Variants in SKAP2 observed in about 807,000 individuals in gnomAD.
SKAP2 encodes src kinase associated phosphoprotein 2.
SKAP2 carries 28 observed loss-of-function variants against 54.9 expected under a neutral mutation model. The observed-to-expected ratio is 0.51, with a 90% confidence interval of 0.38 to 0.70. The LOEUF is 0.70. Ranked by LOEUF, SKAP2 falls within the 30% of genes least tolerant of loss-of-function variation. SKAP2 has a pLI of 0.00. For synonymous variants in SKAP2, 137 were observed against 134.3 expected (o/e 1.02, Z -0.14); for missense variants, 356 against 424.1 (o/e 0.84, Z 1.41).
At chr7:26,830,109 T>A (rs554936626) in intron 4 of SKAP2, among the ~76,000 whole-genome samples, 150 of 152,244 alleles carry the variant, frequency 9.9e-4, no homozygotes, top group African/African-American at 3.5e-3. Flanking sequence ...TTGAAAACAT[T>A]ATGCTAAGTA....
intron 4 of SKAP2, among the ~76,000 whole-genome samples, chr7:26,828,744 T>C (rs150653796): frequency 0.016 from 2,209 of 134,382 alleles, 54 homozygotes; most frequent in African/African-American, 0.057. Context: ...GAACAAGTGA[T>C]GGCCGGGAGC....
At chr7:26,710,010 T>C (rs1787264675) in intron 9 of SKAP2, among the ~76,000 whole-genome samples, 2 of 152,234 alleles carry the variant, frequency 1.3e-5, no homozygotes, top group Admixed American at 6.5e-5. Context: ...ATACCACTGA[T>C]AGTATACTGT....
chr7:26,812,717 G>A (rs893012933), intron 4 of SKAP2, among the ~76,000 whole-genome samples: 3 of 151,830 alleles, frequency 2.0e-5, no homozygotes, highest in East Asian at 1.9e-4. Context: ...CAAAAATAAT[G>A]CAAGAATAAA....
At chr7:26,796,171 G>C (rs76389819) in intron 4 of SKAP2, among the ~76,000 whole-genome samples, 1,578 of 152,172 alleles carry the variant, frequency 0.01, 15 homozygotes, top group Middle Eastern at 0.048. Flanking sequence ...ATGATGCTAC[G>C]AAAAGTCAAC....
chr7:26,741,390 G>A (rs754120137), intron 4 of SKAP2, among the ~76,000 whole-genome samples: 5 of 151,650 alleles, frequency 3.3e-5, no homozygotes, highest in East Asian at 1.9e-4. Flanking sequence ...AGTGGTATAC[G>A]CGCCTGCAGT....
At chr7:26,734,192 A>C (rs756924685) in intron 6 of SKAP2, among the ~76,000 whole-genome samples, 1 of 152,166 alleles carries the variant, frequency 6.6e-6, no homozygotes, top group Non-Finnish European at 1.5e-5. Context: ...TGTTTAGACT[A>C]CTTCGAAGTC....
At chr7:26,736,507 T>C (rs1337710970) in intron 6 of SKAP2, among the ~76,000 whole-genome samples, 2 of 152,238 alleles carry the variant, frequency 1.3e-5, no homozygotes, top group Non-Finnish European at 2.9e-5. Context: ...ATCCACTGCC[T>C]GTTTAGCATA....
chr7:26,847,081 C>T (rs926738834), intron 3 of SKAP2, among the ~76,000 whole-genome samples: 2 of 152,200 alleles, frequency 1.3e-5, no homozygotes, highest in Admixed American at 6.5e-5. Context: ...TTGCAGCTCA[C>T]TGCAAGTATT....
intron 4 of SKAP2, among the ~76,000 whole-genome samples, chr7:26,751,698 G>A (rs955816820): frequency 3.3e-5 from 5 of 151,926 alleles, no homozygotes; most frequent in African/African-American, 1.2e-4. Flanking sequence ...AAAACAAGAG[G>A]TTTTTCCATA....
intron 4 of SKAP2, among the ~76,000 whole-genome samples, chr7:26,836,604 A>T (rs572379180): frequency 1.3e-5 from 2 of 152,334 alleles, no homozygotes; most frequent in South Asian, 4.1e-4. Context: ...TCATCACTGG[A>T]CATGAGAGAA....
chr7:26,712,887 G>A (rs765004741), intron 9 of SKAP2, among the ~76,000 whole-genome samples: 2 of 152,152 alleles, frequency 1.3e-5, no homozygotes, highest in African/African-American at 4.8e-5. Flanking sequence ...AGAGAAAAAG[G>A]TCTCTTCCAA....
At chr7:26,808,802 A>G (rs1336469641) in intron 4 of SKAP2, among the ~76,000 whole-genome samples, 1 of 152,230 alleles carries the variant, frequency 6.6e-6, no homozygotes, top group Non-Finnish European at 1.5e-5. Flanking sequence ...AATCAACTCA[A>G]AGTGAATTAA....
At chr7:26,662,891 A>C (rs1160822634), downstream of SKAP2, among the ~76,000 whole-genome samples, 3 of 152,098 alleles carry the variant, frequency 2.0e-5, no homozygotes, top group African/African-American at 7.2e-5. Context: ...CTCATGCCTC[A>C]TATGACTCCA....
rs775819356 is a variant in SKAP2 at position 26,738,817 on chromosome 7, G to A, written c.447C>T (p.Phe149=). ...KRWCALSKTV[F]YYYGSDKDKQ... ...TACCTTTATCACTTCCATAATAATAGAATACCGTTTTACTGAGAGCACACC... is the reference window on the plus strand; with the variant it reads ...TACCTTTATCACTTCCATAATAATAAAATACCGTTTTACTGAGAGCACACC... The change falls in exon 6 of 13, where the codon TTC becomes TTT. Residue 149 remains phenylalanine (F), a synonymous_variant. Coordinates refer to ENST00000345317, the MANE Select transcript of SKAP2 (RefSeq NM_003930.5). 6.2e-7 allele frequency: 1 copy of A among 1,600,244 alleles called. No individual in the cohort carries two copies. Among genetic ancestry groups the A allele is most frequent in the South Asian group, 1.1e-5 (1 of 90,764 alleles).
At chr7:26,763,058 G>A (rs1486136922) in intron 4 of SKAP2, among the ~76,000 whole-genome samples, 1 of 152,088 alleles carries the variant, frequency 6.6e-6, no homozygotes, top group Non-Finnish European at 1.5e-5. Flanking sequence ...ACCAATTGAA[G>A]TTTACTTGTT....
At chr7:26,851,611 A>C (rs1785045310) in intron 3 of SKAP2, among the ~76,000 whole-genome samples, 1 of 152,106 alleles carries the variant, frequency 6.6e-6, no homozygotes, top group Non-Finnish European at 1.5e-5. Flanking sequence ...GATATACCTA[A>C]TGTAAATGAC....
intron 4 of SKAP2, among the ~76,000 whole-genome samples, chr7:26,834,417 GA>G (rs1278197369): frequency 1.3e-5 from 2 of 152,014 alleles, no homozygotes; most frequent in African/African-American, 4.8e-5. Context: ...CTGGTGTTTT[GA>G]AAAGATCAAG....
At chr7:26,739,364 A>AT (rs1019713443) in intron 5 of SKAP2, among the ~76,000 whole-genome samples, 1 of 152,254 alleles carries the variant, frequency 6.6e-6, no homozygotes, top group African/African-American at 2.4e-5. Context: ...TTCATTTCTC[A>AT]TATTATAAAA....
downstream of SKAP2, among the ~76,000 whole-genome samples, chr7:26,664,474 T>G (rs1417195388): frequency 6.6e-6 from 1 of 152,140 alleles, no homozygotes; most frequent in Non-Finnish European, 1.5e-5. Flanking sequence ...TGTTGGAATT[T>G]TCTCCTCCAC....
Sources: gnomAD v4.1 joint callset for allele counts (sites outside exome capture counted in the v4.1 genomes callset) on GRCh38, gnomAD v4.1.1 for gene constraint, MANE v1.5 for transcripts, NCBI Gene and HGNC (gene_info 2026-07-23, HGNC 2026-07-21) for gene names.